TMEM178A: variants seen among roughly 807,000 people sequenced by gnomAD.
TMEM178A encodes the protein transmembrane protein 178A, also known as transmembrane protein 178.
Under a neutral mutation model 29.1 loss-of-function variants are expected in TMEM178A, and 12 were observed. The ratio of observed to expected loss-of-function variants is 0.41; its 90% CI spans 0.26 to 0.67. TMEM178A has a LOEUF of 0.67. Among genes scored for constraint, TMEM178A ranks in the 30% least tolerant of loss-of-function variants. TMEM178A has a pLI of 0.29. For synonymous variants in TMEM178A, 210 were observed against 187.2 expected (o/e 1.12, Z -0.99); for missense variants, 366 against 419.1 (o/e 0.87, Z 1.11).
intron 2 of TMEM178A, 103 bp downstream of exon 2, chr2:39,704,297 C>T: frequency 1.1e-6 from 1 of 918,838 alleles, no homozygotes; most frequent in Non-Finnish European, 1.7e-6. Context: ...TTCTTATCCT[C>T]TGTGAGCCTC....
At chr2:39,726,811 G>C in the TMEM178A span, among the ~76,000 whole-genome samples, 18 of 152,216 alleles carry the variant, frequency 1.2e-4, no homozygotes, top group South Asian at 4.1e-4. Flanking sequence ...GTTGGGGGTG[G>C]GTAAGGAAGG....
At chr2:39,688,067 G>C (rs1010636603) in intron 1 of TMEM178A, among the ~76,000 whole-genome samples, 1 of 152,248 alleles carries the variant, frequency 6.6e-6, no homozygotes, top group African/African-American at 2.4e-5. Flanking sequence ...CTGGCATATA[G>C]CATACTTTTA....
At chr2:39,674,532 C>T (rs1480613272) in intron 1 of TMEM178A, among the ~76,000 whole-genome samples, 2 of 151,814 alleles carry the variant, frequency 1.3e-5, no homozygotes, top group African/African-American at 2.4e-5. Flanking sequence ...GGGAGTGGGG[C>T]GAGGGATAAA....
At chr2:39,684,398 A>G (rs10170462) in intron 1 of TMEM178A, among the ~76,000 whole-genome samples, 60,388 of 152,088 alleles carry the variant, frequency 0.4, 13,170 homozygotes, top group East Asian at 0.76. Flanking sequence ...AACCTGTTAA[A>G]AGATTTGTTT....
chr2:39,718,758 T>C (rs765168745), downstream of TMEM178A, among the ~76,000 whole-genome samples: 1 of 152,226 alleles, frequency 6.6e-6, no homozygotes, highest in Non-Finnish European at 1.5e-5. Flanking sequence ...TGTTTGCTTA[T>C]CTTTCAGCGG....
downstream of TMEM178A, among the ~76,000 whole-genome samples, chr2:39,721,268 C>T (rs1226991448): frequency 6.6e-6 from 1 of 152,226 alleles, no homozygotes; most frequent in Non-Finnish European, 1.5e-5. Flanking sequence ...AATACATATT[C>T]CTCTTAATAT....
intron 2 of TMEM178A, 34 bp downstream of exon 2, chr2:39,704,228 T>C: frequency 6.3e-7 from 1 of 1,587,012 alleles, no homozygotes; most frequent in Non-Finnish European, 8.6e-7. Context: ...AGAGAGGAAA[T>C]GGTGTCATTC....
In TMEM178A at chr2:39,666,285, G is replaced by A; in HGVS notation, c.311G>A (p.Gly104Asp). 7.1e-7 allele frequency: 1 copy of A among 1,414,332 alleles called. No homozygotes were observed. The allele number at this position is 1,414,332 out of a possible 1,614,324, so 87.6% of individuals were successfully genotyped here. A position where few individuals can be genotyped will look rare whatever the true frequency, so the allele number is the denominator to read the frequency against. Residue 104 changes from glycine (G) to aspartate (D), a missense_variant, in exon 1 of 4, where the codon GGC (glycine) becomes GAC (aspartate). Physicochemically the swap from Gly to Asp is moderately conservative, Grantham distance 94. Transcript: ENST00000281961. ...CTCGGCGGGCTGGACGCCGAGTGCGGCCGGCCCCTCTTCGCCACCTACTCG... is the reference window on the plus strand; with the variant it reads ...CTCGGCGGGCTGGACGCCGAGTGCGACCGGCCCCTCTTCGCCACCTACTCG... Reference protein sequence around the residue: ...LGLGGLDAECGRPLFATYSGL... With the variant: ...LGLGGLDAECDRPLFATYSGL...
chr2:39,713,760 T>C (rs1287777596), intron 3 of TMEM178A, among the ~76,000 whole-genome samples: 1 of 152,230 alleles, frequency 6.6e-6, no homozygotes, highest in Non-Finnish European at 1.5e-5. Flanking sequence ...ATATGAGTAC[T>C]ATAAGACATG....
chr2:39,702,012 A>C (rs1040570699), intron 1 of TMEM178A, among the ~76,000 whole-genome samples: 2 of 152,036 alleles, frequency 1.3e-5, no homozygotes, highest in Non-Finnish European at 2.9e-5. Context: ...AGCTGATTTA[A>C]AATCTTTGTA....
chr2:39,721,527 A>G (rs1454037622), downstream of TMEM178A, among the ~76,000 whole-genome samples: 1 of 152,126 alleles, frequency 6.6e-6, no homozygotes, highest in Non-Finnish European at 1.5e-5. Flanking sequence ...TGCAGAGAGG[A>G]AGGAGACAGG....
In TMEM178A at chr2:39,666,034, G is replaced by A. The variant is rs201221199; in HGVS notation, c.60G>A (p.Gly20=). The part of the protein sequence containing the change: ...LSLGLSLCSL[G]LLVTAIFTDH... ...TCGGCCTCAGCCTGTGCTCCCTGGG[G>A]CTGCTCGTCACGGCCATCTTCACCG... Residue 20 remains glycine, a synonymous_variant, in exon 1 of 4, where the codon GGG becomes GGA. Coordinates refer to ENST00000281961, the MANE Select transcript of TMEM178A (RefSeq NM_152390.3). The A allele has an allele frequency of 4.2e-4, 653 of 1,555,660 alleles. 3 individuals carry two copies. In the African/African-American group the frequency reaches 8.5e-3, roughly 20 times the overall value.
At chr2:39,693,313 T>G (rs1671402742) in intron 1 of TMEM178A, among the ~76,000 whole-genome samples, 2 of 152,344 alleles carry the variant, frequency 1.3e-5, no homozygotes, top group Middle Eastern at 3.4e-3. Flanking sequence ...CTGACTATAT[T>G]GATCTTTCTG....
At position 39,687,640 on chromosome 2, in the gene TMEM178A, T is replaced by C. The variant is rs190834471; in HGVS notation, c.401-16441T>C. Among the ~76,000 whole-genome samples the C allele has an allele frequency of 7.2e-5, 11 of 152,368 alleles. No individual in the cohort carries two copies. The East Asian group carries it at 2.1e-3, about 29-fold the overall frequency. On this transcript the variant is annotated intron_variant, in intron 1 of 3. Coordinates refer to ENST00000281961, the MANE Select transcript of TMEM178A (RefSeq NM_152390.3). ...CCAAGCAGGGAAAGGAGCTTTTCTA[T>C]GCAGAGCTTGATATAGGGATTTCCT... is the stretch of plus-strand genomic sequence containing the variant.
At chr2:39,706,627 T>TG (rs1038851084) in intron 2 of TMEM178A, among the ~76,000 whole-genome samples, 5 of 151,678 alleles carry the variant, frequency 3.3e-5, no homozygotes, top group African/African-American at 9.7e-5. Context: ...TACATTTCTT[T>TG]TTTTTCCCCT....
the TMEM178A span, among the ~76,000 whole-genome samples, chr2:39,729,433 TTTCTG>T: frequency 6.6e-6 from 1 of 152,118 alleles, no homozygotes; most frequent in Non-Finnish European, 1.5e-5. Context: ...GGTGTTCTGG[TTTCTG>T]CCTTGGAGAG....
chr2:39,721,580 G>A (rs1325374881), downstream of TMEM178A, among the ~76,000 whole-genome samples: 3 of 152,142 alleles, frequency 2.0e-5, no homozygotes, highest in Non-Finnish European at 4.4e-5. Flanking sequence ...GAGTGGTGCA[G>A]GTGAGGTTGC....
chr2:39,696,731 A>G (rs1222411265), intron 1 of TMEM178A, among the ~76,000 whole-genome samples: 3 of 152,126 alleles, frequency 2.0e-5, no homozygotes, highest in East Asian at 1.9e-4. Flanking sequence ...AGGGGTTTCT[A>G]TGACTTAGCT....
At chr2:39,715,330 C>G (rs1049937835) in intron 3 of TMEM178A, among the ~76,000 whole-genome samples, 1 of 152,210 alleles carries the variant, frequency 6.6e-6, no homozygotes, top group Non-Finnish European at 1.5e-5. Flanking sequence ...TTTTTTCTAA[C>G]TGCCTATTGT....
Sources: allele counts gnomAD v4.1 joint callset (sites outside exome capture counted in the v4.1 genomes callset), GRCh38; gene constraint gnomAD v4.1.1; transcripts MANE v1.5; gene names NCBI Gene and HGNC (gene_info 2026-07-23, HGNC 2026-07-21).